The following SVEP1 variants were observed in gnomAD, a reference collection of about 807,000 sequenced individuals.
SVEP1 encodes sushi, von Willebrand factor type A, EGF and pentraxin domain containing 1.
A neutral mutation model predicts 367.3 loss-of-function variants in SVEP1; 164 were observed. That is an observed-to-expected ratio of 0.45 (90% CI 0.39 to 0.51). The LOEUF is 0.51. Among genes scored for constraint, SVEP1 ranks in the 20% least tolerant of loss-of-function variants. The probability of loss-of-function intolerance (pLI) is 0.00; values close to 1 mark genes in which losing one functional copy is unlikely to be tolerated. For missense variants in SVEP1, 4,117 were observed against 4,425.3 expected (o/e 0.93, Z 1.98); for synonymous variants, 1,666 against 1,611.6 (o/e 1.03, Z -0.81).
Position 110,407,051 on chromosome 9 carries a change from G to A in SVEP1, c.8549C>T (p.Thr2850Ile). 3.7e-6 allele frequency: 6 copies of A among 1,613,956 alleles called. No individual in the cohort carries two copies. Among genetic ancestry groups the A allele is most frequent in the Non-Finnish European group, 5.1e-6 (6 of 1,179,882 alleles). ...AGTGTATTCAATCTCTTTTTGGAAT[G>A]TGTACTCGTCTCCTCTCACCTGGCC... The part of the protein sequence containing the change: ...ANGQVRGDEY[T>I]FQKEIEYTCN... The change falls in exon 38 of 48, where the codon ACA (threonine) becomes ATA (isoleucine). Residue 2850 changes from threonine to isoleucine, a missense_variant. By Grantham distance (89) the Thr-to-Ile change is moderately conservative. Transcript: ENST00000374469.
chr9:110,434,860 C>T (rs1336681733), intron 29 of SVEP1, among the ~76,000 whole-genome samples: 1 of 151,636 alleles, frequency 6.6e-6, no homozygotes, highest in African/African-American at 2.4e-5. Flanking sequence ...ATTGCAACAT[C>T]CATCGCTTTT....
chr9:110,424,048 T>C (rs1050183763), intron 36 of SVEP1, among the ~76,000 whole-genome samples: 2 of 152,240 alleles, frequency 1.3e-5, no homozygotes, highest in Admixed American at 1.3e-4. Context: ...TATTATTGTT[T>C]AGAGTGTTAA....
chr9:110,470,732 G>C (rs1203509408), intron 16 of SVEP1, among the ~76,000 whole-genome samples: 1 of 150,494 alleles, frequency 6.6e-6, no homozygotes, highest in Non-Finnish European at 1.5e-5. Context: ...TACCGAGCCT[G>C]GCCTCCACTT....
At chr9:110,573,400 A>C (rs1830588622) in intron 1 of SVEP1, among the ~76,000 whole-genome samples, 1 of 132,776 alleles carries the variant, frequency 7.5e-6, no homozygotes, top group Non-Finnish European at 1.7e-5. Flanking sequence ...GTGAATATCT[A>C]CTAGTGTGGA....
At chr9:110,523,866 A>C (rs1408009360) in intron 3 of SVEP1, among the ~76,000 whole-genome samples, 1 of 152,026 alleles carries the variant, frequency 6.6e-6, no homozygotes, top group Non-Finnish European at 1.5e-5. Flanking sequence ...GAAATCAATA[A>C]AATTAAAAAC....
At position 110,411,505 on chromosome 9, in the gene SVEP1, G is replaced by C; in HGVS notation, c.6206C>G (p.Pro2069Arg). The change falls in exon 37 of 48, where the codon CCC becomes CGC. Residue 2069 changes from proline to arginine, a missense_variant. By Grantham distance (103) the Pro-to-Arg change is moderately radical. This residue lies in a region of SVEP1 where 2,174 missense variants were observed against 2,494.3 expected (regional missense o/e 0.87). Coordinates refer to ENST00000374469, the MANE Select transcript of SVEP1 (RefSeq NM_153366.4). ...ACGGGGCATGTCTTGACCTTCTGGG[G>C]GTACCCACTTGCCCTGGGCATTGCA... The part of the protein sequence containing the change: ...LLCNAQGKWV[P>R]PEGQDMPRCI... 1 of 1,614,026 alleles carries C rather than the reference G, an allele frequency of 6.2e-7. No individual in the cohort carries two copies. The highest frequency in any genetic ancestry group is 8.5e-7 in the Non-Finnish European group (1 of 1,179,900).
chr9:110,402,104 A>G (rs969421036), intron 39 of SVEP1, among the ~76,000 whole-genome samples: 1 of 152,096 alleles, frequency 6.6e-6, no homozygotes, highest in African/African-American at 2.4e-5. Context: ...TAAAAGCTAC[A>G]TATTATTGTT....
chr9:110,423,126 A>G (rs1828189573), intron 36 of SVEP1, among the ~76,000 whole-genome samples: 1 of 136,326 alleles, frequency 7.3e-6, no homozygotes, highest in East Asian at 2.0e-4. Flanking sequence ...ATAATAAAAA[A>G]TAATAATAAT....
chr9:110,395,013 T>C (rs561352121), intron 40 of SVEP1, among the ~76,000 whole-genome samples: 11 of 152,246 alleles, frequency 7.2e-5, no homozygotes, highest in African/African-American at 2.6e-4. Flanking sequence ...ACCACAAAGA[T>C]ACTCCTTGAG....
chr9:110,557,908 T>A (rs1329890901), intron 1 of SVEP1, among the ~76,000 whole-genome samples: 1 of 152,206 alleles, frequency 6.6e-6, no homozygotes, highest in Non-Finnish European at 1.5e-5. Flanking sequence ...ATGCTTGACA[T>A]TATCATTTGT....
At chr9:110,434,868 T>G (rs985102255) in intron 29 of SVEP1, among the ~76,000 whole-genome samples, 1 of 151,920 alleles carries the variant, frequency 6.6e-6, no homozygotes, top group African/African-American at 2.4e-5. Flanking sequence ...ATCCATCGCT[T>G]TTCTCCCTGT....
intron 10 of SVEP1, among the ~76,000 whole-genome samples, chr9:110,483,120 T>C (rs1588075032): frequency 6.6e-6 from 1 of 152,350 alleles, no homozygotes; most frequent in East Asian, 1.9e-4. Context: ...TTTTTTGTTG[T>C]TTTCTGAGTT....
intron 43 of SVEP1, among the ~76,000 whole-genome samples, chr9:110,382,255 C>T (rs1827450153): frequency 6.6e-6 from 1 of 152,126 alleles, no homozygotes; most frequent in South Asian, 2.1e-4. Context: ...CCTTCAGGAG[C>T]TCTTGCAAGG....
At chr9:110,461,142 G>A (rs1196017288) in intron 18 of SVEP1, among the ~76,000 whole-genome samples, 1 of 152,050 alleles carries the variant, frequency 6.6e-6, no homozygotes, top group African/African-American at 2.4e-5. Flanking sequence ...ATTAACGAGT[G>A]GAATATTAAC....
intron 6 of SVEP1, among the ~76,000 whole-genome samples, chr9:110,501,511 G>A (rs1356367227): frequency 2.6e-5 from 4 of 151,532 alleles, no homozygotes; most frequent in Non-Finnish European, 4.4e-5. Flanking sequence ...TTGTTGTGGG[G>A]GGGGCAGGCT....
At chr9:110,403,907 C>T (rs1012288865) in intron 39 of SVEP1, among the ~76,000 whole-genome samples, 5 of 148,500 alleles carry the variant, frequency 3.4e-5, no homozygotes, top group Non-Finnish European at 7.4e-5. Flanking sequence ...TTTTAAGCAA[C>T]TTTCTCTACT....
intron 47 of SVEP1, among the ~76,000 whole-genome samples, chr9:110,368,742 A>G (rs1827235264): frequency 6.6e-6 from 1 of 152,068 alleles, no homozygotes; most frequent in East Asian, 1.9e-4. Flanking sequence ...CTCTCAGGTA[A>G]AGGTATAATC....
intron 1 of SVEP1, among the ~76,000 whole-genome samples, chr9:110,574,367 A>C (rs1201363646): frequency 6.6e-6 from 1 of 152,248 alleles, no homozygotes; most frequent in African/African-American, 2.4e-5. Context: ...TAATAATCTC[A>C]GAAATGTCCC....
chr9:110,428,409 C>T (rs1828286715), intron 35 of SVEP1, among the ~76,000 whole-genome samples: 1 of 135,072 alleles, frequency 7.4e-6, no homozygotes, highest in Non-Finnish European at 1.6e-5. Context: ...AACACACACA[C>T]ACACACACAC....
Sources: gnomAD v4.1 joint callset for allele counts (sites outside exome capture counted in the v4.1 genomes callset) on GRCh38, gnomAD v4.1.1 for gene constraint, gnomAD v4.1.1 regional missense constraint, MANE v1.5 for transcripts, NCBI Gene and HGNC (gene_info 2026-07-23, HGNC 2026-07-21) for gene names.